TEK: variants seen among roughly 807,000 people sequenced by gnomAD.
The protein encoded by TEK is TEK receptor tyrosine kinase.
TEK carries 43 observed loss-of-function variants against 131.8 expected under a neutral mutation model. The observed-to-expected ratio is 0.33, with a 90% CI of 0.26 to 0.42. TEK has a LOEUF of 0.42. Ranked by LOEUF, TEK falls within the 10% of genes least tolerant of loss-of-function variation. The pLI is 1.00. For synonymous variants in TEK, 580 were observed against 491.6 expected, an observed-to-expected ratio of 1.18 and a Z score of -2.38; for missense variants, 1,162 against 1,384.4, an observed-to-expected ratio of 0.84 and a Z score of 2.55.
rs1261399985 is a variant in TEK, at chr9:27,180,328, C to T, written c.990C>T (p.Leu330=). Residue 330 remains leucine (L), a synonymous_variant, in exon 7 of 23, where the codon CTC becomes CTT. Coordinates refer to ENST00000380036, the MANE Select transcript of TEK (RefSeq NM_000459.5). ...TGTGTGATCGCTTCCAAGGATGTCT[C>T]TGCTCTCCAGGATGGCAGGGGCTCC... The part of the protein sequence containing the change: ...GEMCDRFQGC[L]CSPGWQGLQC... 2 of 1,613,606 alleles carry T rather than the reference C, an allele frequency of 1.2e-6. No individual in the cohort carries two copies. Among genetic ancestry groups the T allele is most frequent in the African/African-American group, 2.7e-5 (2 of 74,860 alleles).
At chr9:27,218,573 A>T (rs1293930500) in intron 19 of TEK, among the ~76,000 whole-genome samples, 1 of 152,206 alleles carries the variant, frequency 6.6e-6, no homozygotes, top group Non-Finnish European at 1.5e-5. Context: ...GGGCTCTGGC[A>T]AAGTGAACAC....
At chr9:27,171,018 A>T (rs1301921568) in intron 4 of TEK, among the ~76,000 whole-genome samples, 4 of 152,136 alleles carry the variant, frequency 2.6e-5, no homozygotes, top group African/African-American at 4.8e-5. Flanking sequence ...CTGCTTAAAC[A>T]TTGCCTCCTG....
chr9:27,150,045 T>C (rs569644265), intron 1 of TEK, among the ~76,000 whole-genome samples: 1 of 152,282 alleles, frequency 6.6e-6, no homozygotes, highest in African/African-American at 2.4e-5. Flanking sequence ...TCCTGTACCC[T>C]TTCTAGCTTT....
intron 18 of TEK, among the ~76,000 whole-genome samples, 194 bp from the exon 19 acceptor site, chr9:27,217,494 C>T (rs372797641): frequency 1.5e-5 from 2 of 137,854 alleles, no homozygotes; most frequent in African/African-American, 5.6e-5. Context: ...GCTGCTGGAC[C>T]CCGAAAGATA....
intron 12 of TEK, among the ~76,000 whole-genome samples, chr9:27,199,455 C>G (rs1043979485): frequency 2.0e-5 from 3 of 152,152 alleles, no homozygotes; most frequent in African/African-American, 7.2e-5. Flanking sequence ...GTACTATGTT[C>G]AGGAGTGTAT....
chr9:27,114,240 A>G (rs1797754532), intron 1 of TEK, among the ~76,000 whole-genome samples: 1 of 152,278 alleles, frequency 6.6e-6, no homozygotes, highest in African/African-American at 2.4e-5. Flanking sequence ...AAAGGAAAAG[A>G]GAACATTGTA....
intron 1 of TEK, among the ~76,000 whole-genome samples, chr9:27,142,349 A>C (rs7875598): frequency 6.6e-6 from 1 of 152,226 alleles, no homozygotes; most frequent in African/African-American, 2.4e-5. Flanking sequence ...TGAGATGCCT[A>C]TGTAGGTGTC....
At chr9:27,170,523 G>A (rs1005513042) in intron 4 of TEK, among the ~76,000 whole-genome samples, 3 of 152,190 alleles carry the variant, frequency 2.0e-5, no homozygotes, top group Non-Finnish European at 4.4e-5. Context: ...TATTTGACAG[G>A]TTGAGGTGGG....
chr9:27,111,892 A>C (rs1821361117), intron 1 of TEK, among the ~76,000 whole-genome samples: 1 of 128,430 alleles, frequency 7.8e-6, no homozygotes, highest in South Asian at 2.7e-4. Flanking sequence ...TTACTGTGTC[A>C]CTTGACTTTT....
intron 6 of TEK, among the ~76,000 whole-genome samples, chr9:27,173,670 C>T (rs1040188860): frequency 4.7e-5 from 7 of 150,496 alleles, no homozygotes; most frequent in Admixed American, 2.7e-4. Flanking sequence ...CAAGTAGTTC[C>T]GATGTTACTG....
At chr9:27,224,539 T>A (rs1176336425) in intron 21 of TEK, among the ~76,000 whole-genome samples, 2 of 152,024 alleles carry the variant, frequency 1.3e-5, no homozygotes, top group Non-Finnish European at 2.9e-5. Context: ...GAGAAAAGCC[T>A]TCAAGGAAAT....
intron 18 of TEK, among the ~76,000 whole-genome samples, chr9:27,216,522 G>C (rs906473098): frequency 6.6e-6 from 1 of 152,166 alleles, no homozygotes; most frequent in Non-Finnish European, 1.5e-5. Context: ...AGATGGGGTG[G>C]TGTGGACAGA....
intron 1 of TEK, among the ~76,000 whole-genome samples, chr9:27,109,886 G>A (rs1235562334): frequency 6.6e-6 from 1 of 152,038 alleles, no homozygotes; most frequent in East Asian, 1.9e-4. Context: ...AACTCTTTGA[G>A]GACCGATTAA....
chr9:27,135,129 C>A (rs1822372449), intron 1 of TEK, among the ~76,000 whole-genome samples: 1 of 151,690 alleles, frequency 6.6e-6, no homozygotes, highest in South Asian at 2.1e-4. Flanking sequence ...GAGGCTGAGG[C>A]AGGAGAATCG....
intron 1 of TEK, among the ~76,000 whole-genome samples, chr9:27,114,974 G>A (rs1455366704): frequency 2.0e-5 from 3 of 152,104 alleles, no homozygotes; most frequent in Non-Finnish European, 4.4e-5. Flanking sequence ...TTTGAGCCAT[G>A]TACTGTCCTG....
At chr9:27,208,079 T>C (rs773518121) in intron 15 of TEK, among the ~76,000 whole-genome samples, 8 of 152,106 alleles carry the variant, frequency 5.3e-5, no homozygotes, top group Non-Finnish European at 1.0e-4. Flanking sequence ...GGAAAATAGC[T>C]TAATAAGGCA....
chr9:27,204,002 T>C (rs998252746), intron 13 of TEK, among the ~76,000 whole-genome samples: 6 of 152,240 alleles, frequency 3.9e-5, no homozygotes, highest in African/African-American at 1.4e-4. Flanking sequence ...CTGCCAAATA[T>C]AGAAAATCAT....
In TEK at chr9:27,229,166, G is replaced by T. The variant is rs199954698; in HGVS notation, c.3309G>T (p.Val1103=). The T allele has an allele frequency of 1.2e-6, 2 of 1,613,780 alleles. No individual in the cohort carries two copies. The change falls in exon 23 of 23, where the codon GTG becomes GTT. Residue 1103 remains valine (V), a synonymous_variant. Transcript: ENST00000380036. ...CATTTTCATTCTTCCAGACCTACGT[G>T]AATACCACGCTTTATGAGAAGTTTA... ...NRMLEERKTY[V]NTTLYEKFTY...
rs563367680 is a variant in TEK at position 27,198,778 on chromosome 9, A to C, written c.1909+1179A>C. Among the ~76,000 whole-genome samples the C allele has an allele frequency of 1.7e-4, 26 of 152,274 alleles. No individual in the cohort carries two copies. In the East Asian group the frequency reaches 4.2e-3, roughly 25 times the overall value. On this transcript the variant is annotated intron_variant, in intron 12 of 22. Transcript: ENST00000380036. ...AGACAACCAAAATTATGAGTTTGTTAAGTATATTTTAATTTAATGTTGTAT... is the reference window on the plus strand; with the variant it reads ...AGACAACCAAAATTATGAGTTTGTTCAGTATATTTTAATTTAATGTTGTAT...
Sources: gnomAD v4.1 joint callset for allele counts (sites outside exome capture counted in the v4.1 genomes callset) on GRCh38, gnomAD v4.1.1 for gene constraint, MANE v1.5 for transcripts, NCBI Gene and HGNC (gene_info 2026-07-23, HGNC 2026-07-21) for gene names.